CDH18: variants seen among roughly 807,000 people sequenced by gnomAD.
CDH18 encodes the protein cadherin-18.
CDH18 carries 31 observed loss-of-function variants against 67.9 expected under a neutral mutation model. The ratio of observed to expected loss-of-function variants is 0.46; its 90% CI spans 0.34 to 0.62. The LOEUF (loss-of-function observed/expected upper bound fraction) is 0.62. Among genes scored for constraint, CDH18 ranks in the 20% least tolerant of loss-of-function variants. The probability of loss-of-function intolerance (pLI) is 0.01; values close to 1 mark genes in which losing one functional copy is unlikely to be tolerated. For missense variants in CDH18, 890 were observed against 975.5 expected (o/e 0.91, Z 1.17); for synonymous variants, 362 against 347.2 (o/e 1.04, Z -0.48).
intron 2 of CDH18, among the ~76,000 whole-genome samples, chr5:20,247,065 C>T (rs555545156): frequency 6.6e-6 from 1 of 152,290 alleles, no homozygotes; most frequent in African/African-American, 2.4e-5. Flanking sequence ...GCCATATCAA[C>T]CACAGTTCAT....
chr5:20,137,996 G>A (rs939249551), intron 2 of CDH18, among the ~76,000 whole-genome samples: 5 of 152,022 alleles, frequency 3.3e-5, no homozygotes, highest in African/African-American at 9.7e-5. Flanking sequence ...CCAAAGCCTT[G>A]CAGAGACACA....
chr5:19,987,561 T>C (rs1799698783), intron 1 of CDH18, among the ~76,000 whole-genome samples: 1 of 151,546 alleles, frequency 6.6e-6, no homozygotes, highest in Non-Finnish European at 1.5e-5. Context: ...TGAAAGAATA[T>C]AAATGAGGCT....
rs139270912 is a variant in CDH18, at chr5:20,339,051, C to T, written c.-579-83546G>A. ...GACAGAGGATGCCTATTCTCTCTCT[C>T]TCCACCCAAGGACACTCTGAATGGG... On this transcript the variant is annotated intron_variant, in intron 1 of 14. Coordinates refer to the CDH18 transcript ENST00000507958. Among the ~76,000 whole-genome samples the T allele has an allele frequency of 1.8e-4, 28 of 152,252 alleles. 1 individual carries two copies. The East Asian group carries it at 3.9e-3, about 21-fold the overall frequency.
At position 19,732,116 on chromosome 5, in the gene CDH18, T is replaced by C. The variant is rs141873278; in HGVS notation, c.524-10650A>G. 1.3e-3 allele frequency among the ~76,000 whole-genome samples: 194 copies of C among 150,818 alleles called. 1 individual carries two copies. The highest frequency in any genetic ancestry group is 4.6e-3 in the African/African-American group (187 of 40,916). ...AAAAATAAAAAAAAAAATTAATGCA[T>C]TTTTTAAAACTATGAGAAAGGCCTA... is the stretch of plus-strand genomic sequence containing the variant. On this transcript the variant is annotated intron_variant, in intron 4 of 12. Coordinates refer to ENST00000382275, the MANE Select transcript of CDH18 (RefSeq NM_004934.5).
At chr5:19,880,176 A>G (rs1787482794) in intron 2 of CDH18, among the ~76,000 whole-genome samples, 1 of 151,926 alleles carries the variant, frequency 6.6e-6, no homozygotes, top group Admixed American at 6.6e-5. Context: ...TCTACTATCT[A>G]ACTGACCCAA....
At chr5:20,534,389 AT>A (rs1756591796) in intron 1 of CDH18, among the ~76,000 whole-genome samples, 1 of 152,128 alleles carries the variant, frequency 6.6e-6, no homozygotes, top group African/African-American at 2.4e-5. Context: ...AGCATTAAAA[AT>A]AATCAAATAA....
In CDH18 at chr5:20,478,551, C is replaced by G. The variant is rs78259329; in HGVS notation, c.-580+96911G>C. 7.9e-5 allele frequency among the ~76,000 whole-genome samples: 12 copies of G among 152,160 alleles called. No homozygotes were observed. The East Asian group carries it at 2.3e-3, about 29-fold the overall frequency. On this transcript the variant is annotated intron_variant, in intron 1 of 14. Coordinates refer to the CDH18 transcript ENST00000507958. The stretch of plus-strand genomic sequence containing the variant: ...AAAGGAGAGAGAAGACTGGGAAGGA[C>G]TTTGTCTTACTTGAGTGCCAGCTCA...
intron 9 of CDH18, among the ~76,000 whole-genome samples, chr5:19,536,240 A>C (rs1749403733): frequency 6.6e-6 from 1 of 152,222 alleles, no homozygotes; most frequent in African/African-American, 2.4e-5. Flanking sequence ...TAATGCATGC[A>C]GAACATTTAA....
At chr5:20,004,785 A>G (rs1736753928) in intron 2 of CDH18, among the ~76,000 whole-genome samples, 1 of 152,362 alleles carries the variant, frequency 6.6e-6, no homozygotes, top group Non-Finnish European at 1.5e-5. Context: ...AGAAATCACT[A>G]CAAAGAGAAA....
At position 20,463,813 on chromosome 5, in the gene CDH18, TA is replaced by T. The variant is rs1001788151; in HGVS notation, c.-580+111648del. ...TCTACTCAGACTTCAAATTTGGTCA[TA>T]TTTTTTGGGGACAGAAGTTCTCTCT... On this transcript the variant is annotated intron_variant, in intron 1 of 14. Coordinates refer to the CDH18 transcript ENST00000507958. Among the ~76,000 whole-genome samples, 32 of 152,286 alleles carry T rather than the reference TA, an allele frequency of 2.1e-4. No homozygotes were observed. In the South Asian group the frequency reaches 3.5e-3, roughly 17 times the overall value.
At chr5:20,385,450 T>G (rs951031521) in intron 1 of CDH18, among the ~76,000 whole-genome samples, 2 of 152,090 alleles carry the variant, frequency 1.3e-5, no homozygotes, top group Admixed American at 1.3e-4. Context: ...ACAAGCAAAA[T>G]GAGAATCCTG....
chr5:20,484,446 G>C (rs1016515754), intron 1 of CDH18, among the ~76,000 whole-genome samples: 4 of 151,908 alleles, frequency 2.6e-5, no homozygotes, highest in Non-Finnish European at 5.9e-5. Context: ...CCAAAACAAA[G>C]AAAATCAGTA....
chr5:19,759,123 T>A (rs10941452), intron 3 of CDH18, among the ~76,000 whole-genome samples: 20,967 of 152,220 alleles, frequency 0.14, 3,673 homozygotes, highest in African/African-American at 0.4. Context: ...CCAGGAAATG[T>A]TTTAATTTGC....
chr5:20,267,467 GA>G (rs1745127422), intron 1 of CDH18, among the ~76,000 whole-genome samples: 1 of 151,768 alleles, frequency 6.6e-6, no homozygotes, highest in South Asian at 2.1e-4. Flanking sequence ...CTAATTCTGT[GA>G]AAAATGATCT....
At chr5:19,582,244 A>G (rs999024561) in intron 7 of CDH18, among the ~76,000 whole-genome samples, 1 of 151,996 alleles carries the variant, frequency 6.6e-6, no homozygotes, top group Non-Finnish European at 1.5e-5. Flanking sequence ...TGACATAAAT[A>G]AAATAATTAA....
At chr5:19,491,797 C>T (rs1205982936) in intron 11 of CDH18, among the ~76,000 whole-genome samples, 2 of 146,918 alleles carry the variant, frequency 1.4e-5, no homozygotes, top group South Asian at 2.1e-4. Context: ...AGAATGAATG[C>T]TGCAAAAAAA....
chr5:20,493,356 T>TTAAAAAAAA (rs1391590923), intron 1 of CDH18, among the ~76,000 whole-genome samples: 2 of 47,194 alleles, frequency 4.2e-5, no homozygotes, highest in African/African-American at 1.7e-4. Flanking sequence ...TTCAGAAAAT[T>TTAAAAAAAA]AAAAAAAAAA....
chr5:19,791,384 C>T (rs1776341076), intron 3 of CDH18, among the ~76,000 whole-genome samples: 1 of 151,620 alleles, frequency 6.6e-6, no homozygotes, highest in Non-Finnish European at 1.5e-5. Flanking sequence ...CACACACACA[C>T]ACACACATCT....
chr5:19,634,215 T>G (rs1474132063), intron 5 of CDH18, among the ~76,000 whole-genome samples: 5 of 152,202 alleles, frequency 3.3e-5, no homozygotes, highest in African/African-American at 1.2e-4. Context: ...TGCTTGTAAA[T>G]AATTATATTT....
Sources: gnomAD v4.1 joint callset for allele counts (sites outside exome capture counted in the v4.1 genomes callset) on GRCh38, gnomAD v4.1.1 for gene constraint, MANE v1.5 for transcripts, NCBI Gene and HGNC (gene_info 2026-07-23, HGNC 2026-07-21) for gene names.